Variants in WDR3 observed in about 807,000 individuals in gnomAD.
WDR3 encodes WD repeat-containing protein 3.
Under a neutral mutation model 123.7 loss-of-function variants are expected in WDR3, and 81 were observed. That is an observed-to-expected ratio of 0.65 (90% CI 0.55 to 0.79). The LOEUF (loss-of-function observed/expected upper bound fraction) is 0.79, where lower values mean the gene tolerates loss of function less well. Among genes scored for constraint, WDR3 ranks in the 30% least tolerant of loss-of-function variants. The pLI, the probability that WDR3 is intolerant of heterozygous loss-of-function variation, is 0.00. For missense variants in WDR3, 1,027 were observed against 1,123.2 expected (o/e 0.91, Z 1.22); for synonymous variants, 390 against 388.8 (o/e 1.00, Z -0.04).
intron 19 of WDR3, 63 bp from the exon 20 acceptor site, chr1:117,952,883 T>A (rs1651684580): frequency 6.3e-7 from 1 of 1,581,858 alleles, no homozygotes; most frequent in African/African-American, 1.4e-5. Flanking sequence ...CGCTTCCTCA[T>A]TTCTCTTCAT....
chr1:117,940,667 G>A (rs768032415), intron 6 of WDR3, among the ~76,000 whole-genome samples, 160 bp from the exon 7 acceptor site: 1 of 152,134 alleles, frequency 6.6e-6, no homozygotes, highest in Non-Finnish European at 1.5e-5. Context: ...GATCAAGGCT[G>A]CAGTGAGATG....
chr1:117,952,340 A>C lies in WDR3; in HGVS notation c.1948A>C (p.Thr650Pro). ...QFVPKSHLFF[T>P]AGKDHKIKQW... Reference sequence around the variant, plus strand: ...TGTACCCAAGTCTCACCTCTTCTTCACTGCCGGAAAAGATCATAAGATTAA... The same window carrying C: ...TGTACCCAAGTCTCACCTCTTCTTCCCTGCCGGAAAAGATCATAAGATTAA... The change falls in exon 18 of 27, where the codon ACT (threonine) becomes CCT (proline). Residue 650 changes from threonine (T) to proline (P), a missense_variant. Coordinates refer to ENST00000349139, the MANE Select transcript of WDR3 (RefSeq NM_006784.3). 6.2e-7 allele frequency: 1 copy of C among 1,613,382 alleles called. No homozygotes were observed. Among genetic ancestry groups the C allele is most frequent in the Non-Finnish European group, 8.5e-7 (1 of 1,179,526 alleles).
intron 19 of WDR3, 101 bp from the exon 20 acceptor site, chr1:117,952,845 G>C (rs892116547): frequency 3.4e-6 from 5 of 1,457,170 alleles, no homozygotes; most frequent in Non-Finnish European, 4.7e-6. Flanking sequence ...TGCCATTAGG[G>C]TATTATGTTG....
At chr1:117,934,842 C>G (rs1452373078) in intron 3 of WDR3, among the ~76,000 whole-genome samples, 160 bp downstream of exon 3, 1 of 152,172 alleles carries the variant, frequency 6.6e-6, no homozygotes, top group Non-Finnish European at 1.5e-5. Flanking sequence ...TTGGGTGGTT[C>G]ATTTTGTTTC....
chr1:117,959,668 T>C lies in WDR3; in HGVS notation c.*221T>C, dbSNP rs1652763401. 2 of 389,462 alleles carry C rather than the reference T, an allele frequency of 5.1e-6. No homozygotes were observed. Among genetic ancestry groups the C allele is most frequent in the Middle Eastern group, 6.9e-4 (1 of 1,442 alleles). 24.1% of individuals were successfully genotyped at this position (389,462 alleles called of 1,614,324 possible). On this transcript the variant is annotated 3_prime_UTR_variant, in exon 27 of 27. Transcript: ENST00000349139. ...TTAAAATGCATTATTAGTTTAAAAA[T>C]CTTTCTGTGCTCTCAAAGCTTGAGC... is the stretch of plus-strand genomic sequence containing the variant.
Position 117,966,543 on chromosome 1 carries a change from A to G in WDR3, c.*7096A>G, listed in dbSNP as rs1571081962. ...AAAGTAGAGATGCATTTTGACTTCC[A>G]TGTTTTCCTCACTCGTGTAATTTCT... On this transcript the variant is annotated 3_prime_UTR_variant, in exon 27 of 27. Coordinates refer to ENST00000349139, the MANE Select transcript of WDR3 (RefSeq NM_006784.3). 1 of 1,378,434 alleles carries G rather than the reference A, an allele frequency of 7.3e-7. No individual in the cohort carries two copies. Among genetic ancestry groups the G allele is most frequent in the Non-Finnish European group, 9.6e-7 (1 of 1,038,530 alleles). 85.4% of individuals were successfully genotyped at this position (1,378,434 alleles called of 1,614,324 possible). A position where few individuals can be genotyped will look rare whatever the true frequency, so the allele number is the denominator to read the frequency against.
intron 3 of WDR3, 114 bp from the exon 4 acceptor site, chr1:117,936,655 T>G: frequency 2.7e-6 from 2 of 747,124 alleles, no homozygotes; most frequent in Non-Finnish European, 4.2e-6. Flanking sequence ...GCTTTCCAAA[T>G]TTTCTGTAAG....
chr1:117,946,263 AT>A, intron 12 of WDR3, 84 bp downstream of exon 12: 2 of 1,078,136 alleles, frequency 1.9e-6, no homozygotes, highest in South Asian at 3.6e-5. Context: ...TCTTTTTAGC[AT>A]ATTGGAAATG....
intron 23 of WDR3, 134 bp downstream of exon 23, chr1:117,954,761 T>G: frequency 1.0e-6 from 1 of 952,444 alleles, no homozygotes; most frequent in Non-Finnish European, 1.6e-6. Flanking sequence ...CTTTTGAATC[T>G]TGGCATTCTC....
At position 117,963,893 on chromosome 1, in the gene WDR3, G is replaced by A. The variant is rs759226421; in HGVS notation, c.*4446G>A. 2 of 1,613,726 alleles carry A rather than the reference G, an allele frequency of 1.2e-6. No individual in the cohort carries two copies. The highest frequency in any genetic ancestry group is 2.2e-5 in the South Asian group (2 of 91,032). ...GACCATTGGATTTTCTTTTCCCTGG[G>A]GAAAGTCTTTTGGTCGTTTATCATA... On this transcript the variant is annotated 3_prime_UTR_variant, in exon 27 of 27. Transcript: ENST00000349139.
At chr1:117,930,035 G>A (rs1418955299) in intron 1 of WDR3, 1 of 152,490 alleles carries the variant, frequency 6.6e-6, no homozygotes, top group East Asian at 1.9e-4. Context: ...CTGGCCTGAG[G>A]ATGATATGAC....
At chr1:117,938,013 T>C (rs1651006106) in intron 4 of WDR3, among the ~76,000 whole-genome samples, 1 of 152,136 alleles carries the variant, frequency 6.6e-6, no homozygotes. Context: ...ATCCAGGTAG[T>C]AGGACTTAAG....
chr1:117,937,444 G>A (rs1046530147), intron 4 of WDR3, among the ~76,000 whole-genome samples: 1 of 152,148 alleles, frequency 6.6e-6, no homozygotes, highest in Non-Finnish European at 1.5e-5. Flanking sequence ...GGTTTGCCAG[G>A]CATTAATTAG....
chr1:117,943,631 G>C lies in WDR3; in HGVS notation c.1328+5G>C, dbSNP rs377533838. On this transcript the variant is annotated splice_donor_5th_base_variant and intron_variant, in intron 11 of 26. Coordinates refer to ENST00000349139, the MANE Select transcript of WDR3 (RefSeq NM_006784.3). ...TTCCATTAAAATATGGAACAGGTTC[G>C]TGAAATGATGTTTTATATAGCTGTA... The C allele has an allele frequency of 1.9e-5, 31 of 1,613,132 alleles. No homozygotes were observed. The highest frequency in any genetic ancestry group is 2.6e-5 in the Non-Finnish European group (31 of 1,179,426).
intron 25 of WDR3, among the ~76,000 whole-genome samples, chr1:117,958,038 C>G (rs867029231): frequency 3.9e-5 from 6 of 152,196 alleles, no homozygotes; most frequent in Non-Finnish European, 8.8e-5. Flanking sequence ...TTCTTCTCAT[C>G]TCTCACCCTC....
At position 117,964,330 on chromosome 1, in the gene WDR3, T is replaced by C. The variant is rs751835862; in HGVS notation, c.*4883T>C. 4.1e-4 allele frequency: 65 copies of C among 157,030 alleles called. No homozygotes were observed. The Middle Eastern group carries it at 0.013, about 32-fold the overall frequency. The allele number at this position is 157,030 out of a possible 1,614,324, so 9.7% of individuals were successfully genotyped here. On this transcript the variant is annotated 3_prime_UTR_variant, in exon 27 of 27. Transcript: ENST00000349139. ...ATCTGATAAGATTTTTTGCCCTTTA[T>C]CTGTGTCTGACAGGTTCTCTCTAAT...
intron 13 of WDR3, 80 bp downstream of exon 13, chr1:117,948,586 C>G: frequency 9.5e-7 from 1 of 1,054,608 alleles, no homozygotes; most frequent in Non-Finnish European, 1.3e-6. Flanking sequence ...TTAAAGAAAG[C>G]CTGAGGTTTT....
chr1:117,934,897 G>A (rs1028238464), intron 3 of WDR3, among the ~76,000 whole-genome samples: 1 of 152,178 alleles, frequency 6.6e-6, no homozygotes, highest in African/African-American at 2.4e-5. Flanking sequence ...CCTCTTAAGT[G>A]TAGGAATAAG....
At chr1:117,937,938 T>G (rs1651003124) in intron 4 of WDR3, among the ~76,000 whole-genome samples, 2 of 152,196 alleles carry the variant, frequency 1.3e-5, no homozygotes, top group African/African-American at 4.8e-5. Flanking sequence ...ATCTGACAGT[T>G]GCACATTGGA....
Sources: gnomAD v4.1 joint callset for allele counts (sites outside exome capture counted in the v4.1 genomes callset) on GRCh38, gnomAD v4.1.1 for gene constraint, MANE v1.5 for transcripts, NCBI Gene and HGNC (gene_info 2026-07-23, HGNC 2026-07-21) for gene names.